The following LAMB4 variants were observed in gnomAD, a reference collection of about 807,000 sequenced individuals.
The protein encoded by LAMB4 is laminin subunit beta-4.
A neutral mutation model predicts 199.2 loss-of-function variants in LAMB4; 196 were observed. The ratio of observed to expected loss-of-function variants is 0.98; its 90% confidence interval spans 0.88 to 1.11. LAMB4 has a LOEUF of 1.11. Among genes scored for constraint, LAMB4 ranks in the 50% least tolerant of loss-of-function variants. The pLI is 0.00. For missense variants in LAMB4, 2,080 were observed against 2,171.2 expected (o/e 0.96, Z 0.83); for synonymous variants, 744 against 770.6 (o/e 0.97, Z 0.57).
At chr7:108,092,518 C>A in intron 12 of LAMB4, 102 bp from the exon 13 acceptor site, 1 of 848,764 alleles carries the variant, frequency 1.2e-6, no homozygotes, top group Non-Finnish European at 2.0e-6. Context: ...CGTCAAATAG[C>A]CAAACAGCCT....
chr7:108,107,054 A>C (rs1354909000), intron 6 of LAMB4, among the ~76,000 whole-genome samples: 1 of 152,254 alleles, frequency 6.6e-6, no homozygotes, highest in African/African-American at 2.4e-5. Flanking sequence ...ATACAGGCAG[A>C]AAAGTCAAAA....
At chr7:108,123,238 A>C in intron 1 of LAMB4, 41 bp from the exon 2 acceptor site, 1 of 1,208,292 alleles carries the variant, frequency 8.3e-7, no homozygotes, top group Non-Finnish European at 1.2e-6. Context: ...TGATAGAAGA[A>C]ATAATTGCCA....
At chr7:108,079,895 T>C in intron 14 of LAMB4, 109 bp from the exon 15 acceptor site, 1 of 705,784 alleles carries the variant, frequency 1.4e-6, no homozygotes, top group Non-Finnish European at 2.2e-6. Flanking sequence ...GGTGTGTATA[T>C]GATTCATATG....
chr7:108,094,173 A>G (rs763169307), intron 12 of LAMB4, among the ~76,000 whole-genome samples: 85 of 152,336 alleles, frequency 5.6e-4, no homozygotes, highest in African/African-American at 2.0e-3. Context: ...TCTGTACTGC[A>G]CACGTAGCAG....
At chr7:108,046,387 G>A (rs1340051240) in intron 28 of LAMB4, among the ~76,000 whole-genome samples, 8 of 151,838 alleles carry the variant, frequency 5.3e-5, no homozygotes, top group South Asian at 2.1e-4. Context: ...CACTGCACCC[G>A]GCCAGGAGTG....
chr7:108,052,019 G>A (rs2035841879), intron 26 of LAMB4, 78 bp downstream of exon 26: 1 of 1,182,088 alleles, frequency 8.5e-7, no homozygotes, highest in Non-Finnish European at 1.2e-6. Flanking sequence ...GTAAGCAGGG[G>A]ACGACTCACT....
intron 17 of LAMB4, among the ~76,000 whole-genome samples, 177 bp downstream of exon 17, chr7:108,076,767 C>T (rs1190120937): frequency 6.6e-6 from 1 of 152,190 alleles, no homozygotes; most frequent in Non-Finnish European, 1.5e-5. Flanking sequence ...ATGTAAAACA[C>T]TCCAAACCAT....
At chr7:108,127,732 AG>A (rs1563118746) in intron 1 of LAMB4, among the ~76,000 whole-genome samples, 1 of 152,176 alleles carries the variant, frequency 6.6e-6, no homozygotes, top group Non-Finnish European at 1.5e-5. Context: ...TGAACGCTCA[AG>A]TTTGAGAACC....
chr7:108,106,293 C>T (rs2038007460), intron 7 of LAMB4, among the ~76,000 whole-genome samples: 2 of 152,074 alleles, frequency 1.3e-5, no homozygotes, highest in African/African-American at 2.4e-5. Context: ...TGGCGCATGC[C>T]TGTAATCCCA....
chr7:108,106,572 C>G lies in LAMB4; in HGVS notation c.592G>C (p.Val198Leu). ...SDIEPSTGGE[V>L]VLKVLDPSFE... is the part of the protein sequence containing the mutation. ...CTGGGATCCAAAACTTTTAAAACAA[C>G]CTGTAAAACAAATATAGATACATTT... is the stretch of plus-strand genomic sequence containing the variant. Residue 198 changes from valine to leucine, a missense_variant and splice_region_variant, in exon 7 of 34, where the codon GTT becomes CTT. By Grantham distance (32) the Val-to-Leu change is conservative (BLOSUM62 1). Transcript: ENST00000388781. 6.6e-7 allele frequency: 1 copy of G among 1,507,748 alleles called. No individual in the cohort carries two copies. The highest frequency in any genetic ancestry group is 9.2e-7 in the Non-Finnish European group (1 of 1,086,324). The allele number at this position is 1,507,748 out of a possible 1,614,324, so 93.4% of individuals were successfully genotyped here. A position where few individuals can be genotyped will look rare whatever the true frequency, so the allele number is the denominator to read the frequency against.
At chr7:108,045,684 T>G (rs570847716) in intron 28 of LAMB4, among the ~76,000 whole-genome samples, 3 of 152,320 alleles carry the variant, frequency 2.0e-5, no homozygotes, top group African/African-American at 4.8e-5. Context: ...AATGAAGGTG[T>G]GTTTTAAGCA....
At chr7:108,038,654 T>C (rs1476406401) in intron 29 of LAMB4, among the ~76,000 whole-genome samples, 1 of 152,214 alleles carries the variant, frequency 6.6e-6, no homozygotes, top group Non-Finnish European at 1.5e-5. Flanking sequence ...GTGAGATTTT[T>C]TGTGTGTGAT....
intron 1 of LAMB4, among the ~76,000 whole-genome samples, chr7:108,127,269 G>A (rs1222340751): frequency 2.1e-5 from 3 of 145,188 alleles, no homozygotes; most frequent in Admixed American, 6.9e-5. Flanking sequence ...TTAAGGCCCC[G>A]ACATCAGTAT....
rs2038657496 is a variant in LAMB4, at chr7:108,123,146, G to T, written c.19C>A (p.Leu7Ile). The T allele has an allele frequency of 1.2e-6, 2 of 1,610,452 alleles. No individual in the cohort carries two copies. Among genetic ancestry groups the T allele is most frequent in the Non-Finnish European group, 1.7e-6 (2 of 1,179,000 alleles). The change falls in exon 2 of 34, where the codon CTT (leucine) becomes ATT (isoleucine). Residue 7 changes from leucine (L) to isoleucine (I), a missense_variant. By Grantham distance (5) the Leu-to-Ile change is conservative (BLOSUM62 2). Transcript: ENST00000388781. MQFQLT[L>I]FLHLGWLSYS... ...AAATACTCACCAAGGTGCAAAAAAAGGGTCAGTTGAAATTGCATTCTTTTG... is the reference window on the plus strand; with the variant it reads ...AAATACTCACCAAGGTGCAAAAAAATGGTCAGTTGAAATTGCATTCTTTTG...
rs746561832 is a variant in LAMB4, at chr7:108,043,930, A to G, written c.4327-34T>C. The G allele has an allele frequency of 3.8e-6, 6 of 1,567,296 alleles. No individual in the cohort carries two copies. The South Asian group carries it at 4.8e-5, about 13-fold the overall frequency. ...AGAAAAACACAATGAAGAATACTCG[A>G]CAATATACTCAACAAAGTCATGTTC... On this transcript the variant is annotated intron_variant, in intron 28 of 33. Transcript: ENST00000388781.
At chr7:108,079,475 C>A in intron 15 of LAMB4, 126 bp downstream of exon 15, 1 of 797,454 alleles carries the variant, frequency 1.3e-6, no homozygotes, top group Non-Finnish European at 1.9e-6. Flanking sequence ...TTATAATGCT[C>A]CCCAGATGTT....
At chr7:108,071,146 A>G (rs1407475775) in intron 17 of LAMB4, among the ~76,000 whole-genome samples, 2 of 151,940 alleles carry the variant, frequency 1.3e-5, no homozygotes, top group African/African-American at 4.8e-5. Context: ...CCATCTATAA[A>G]ATCACCTCCT....
chr7:108,106,117 C>T (rs559268023), intron 7 of LAMB4, 86 bp from the exon 8 acceptor site: 1 of 1,061,232 alleles, frequency 9.4e-7, no homozygotes, highest in Non-Finnish European at 1.4e-6. Flanking sequence ...ACTTAATATA[C>T]TATAGAAAAG....
chr7:108,059,440 T>C (rs927398918), intron 23 of LAMB4, among the ~76,000 whole-genome samples: 1 of 152,182 alleles, frequency 6.6e-6, no homozygotes, highest in Admixed American at 6.5e-5. Context: ...TGGCTTCTTT[T>C]CTTCAGGCCC....
Sources: allele counts gnomAD v4.1 joint callset (sites outside exome capture counted in the v4.1 genomes callset), GRCh38; gene constraint gnomAD v4.1.1; transcripts MANE v1.5; gene names NCBI Gene and HGNC (gene_info 2026-07-23, HGNC 2026-07-21).